Variants in ANKS1B observed in about 807,000 individuals in gnomAD.
The protein encoded by ANKS1B is ankyrin repeat and sterile alpha motif domain containing 1B, also known as ankyrin repeat and sterile alpha motif domain-containing protein 1B.
A neutral mutation model predicts 148.3 loss-of-function variants in ANKS1B; 36 were observed. The observed-to-expected ratio is 0.24, with a 90% CI of 0.19 to 0.32. The LOEUF (loss-of-function observed/expected upper bound fraction) is 0.32, where lower values mean the gene tolerates loss of function less well. ANKS1B is among the 10% of genes least tolerant of loss of function. ANKS1B has a pLI of 1.00. For missense variants in ANKS1B, 1,157 were observed against 1,542.6 expected (o/e 0.75, Z 4.19); for synonymous variants, 542 against 560.8 (o/e 0.97, Z 0.47).
intron 8 of ANKS1B, among the ~76,000 whole-genome samples, chr12:99,711,521 A>G (rs1204460940): frequency 6.6e-6 from 1 of 152,124 alleles, no homozygotes; most frequent in Non-Finnish European, 1.5e-5. Context: ...GCAAACAACC[A>G]CATTTAAAAG....
chr12:98,773,293 C>T lies in ANKS1B; in HGVS notation c.3442-114G>A, dbSNP rs2098618102. The T allele has an allele frequency of 3.4e-6, 4 of 1,180,000 alleles. No individual in the cohort carries two copies. In the South Asian group the frequency reaches 6.7e-5, roughly 20 times the overall value. The allele number at this position is 1,180,000 out of a possible 1,614,324, so 73.1% of individuals were successfully genotyped here. On this transcript the variant is annotated intron_variant, in intron 24 of 26. Transcript: ENST00000683438. ...TTCCTTCTTTCTGGAGTGTTCTAGACTAGCAACACTCAAAGTGGTCCACTA... is the reference window on the plus strand; with the variant it reads ...TTCCTTCTTTCTGGAGTGTTCTAGATTAGCAACACTCAAAGTGGTCCACTA...
chr12:99,223,469 CT>C (rs1482197349), intron 14 of ANKS1B, among the ~76,000 whole-genome samples: 1 of 152,060 alleles, frequency 6.6e-6, no homozygotes, highest in African/African-American at 2.4e-5. Flanking sequence ...ATGGTCCCAT[CT>C]GGGGGTAATG....
At chr12:99,182,282 C>T (rs11832991) in intron 14 of ANKS1B, among the ~76,000 whole-genome samples, 7,637 of 152,252 alleles carry the variant, frequency 0.05, 635 homozygotes, top group African/African-American at 0.18. Flanking sequence ...CCTCCCCCAA[C>T]ACATGGGGAT....
chr12:99,592,145 GA>G (rs1012757795), intron 9 of ANKS1B, among the ~76,000 whole-genome samples: 37 of 151,952 alleles, frequency 2.4e-4, no homozygotes, highest in African/African-American at 8.4e-4. Context: ...TTTATTACTA[GA>G]AACAAGATTT....
At chr12:98,781,927 T>C (rs141988308) in intron 23 of ANKS1B, among the ~76,000 whole-genome samples, 199 bp downstream of exon 23, 1 of 152,346 alleles carries the variant, frequency 6.6e-6, no homozygotes, top group African/African-American at 2.4e-5. Flanking sequence ...GTTCTTGTGA[T>C]AGATGTTCAC....
intron 15 of ANKS1B, among the ~76,000 whole-genome samples, chr12:99,109,139 A>C (rs1189942372): frequency 6.6e-6 from 1 of 152,058 alleles, no homozygotes; most frequent in African/African-American, 2.4e-5. Context: ...TGAGCTGTAG[A>C]ATGTTCCCAG....
At chr12:98,990,565 AG>A (rs1243792921) in intron 17 of ANKS1B, among the ~76,000 whole-genome samples, 92 of 139,574 alleles carry the variant, frequency 6.6e-4, no homozygotes, top group African/African-American at 2.1e-3. Flanking sequence ...AGAGAGAGAG[AG>A]AAAAAAAAAA....
rs184926261 is a variant in ANKS1B, at chr12:99,624,922, T to A, written c.1272+30145A>T. The stretch of plus-strand genomic sequence containing the variant: ...ATATACCAAAAGGAAAATAAATTGC[T>A]CGACCAAAAAGAAACCTGCGCTCAT... On this transcript the variant is annotated intron_variant, in intron 9 of 26. Transcript: ENST00000683438. Among the ~76,000 whole-genome samples the A allele has an allele frequency of 3.6e-3, 545 of 152,134 alleles. 3 individuals are homozygous for A. Among genetic ancestry groups the A allele is most frequent in the African/African-American group, 0.013 (520 of 41,522 alleles).
chr12:99,711,551 C>G (rs2056635256), intron 8 of ANKS1B, among the ~76,000 whole-genome samples: 1 of 152,048 alleles, frequency 6.6e-6, no homozygotes, highest in South Asian at 2.1e-4. Flanking sequence ...AACGTGAACA[C>G]TTTCCTAAAG....
chr12:99,605,419 T>C (rs559868365), intron 9 of ANKS1B, among the ~76,000 whole-genome samples: 2 of 152,002 alleles, frequency 1.3e-5, no homozygotes, highest in South Asian at 4.2e-4. Flanking sequence ...AATGGAATAC[T>C]GGAAATTATT....
At chr12:99,968,834 A>G (rs2095522897) in intron 1 of ANKS1B, among the ~76,000 whole-genome samples, 2 of 151,974 alleles carry the variant, frequency 1.3e-5, no homozygotes, top group Non-Finnish European at 1.5e-5. Flanking sequence ...TGGTTGTTTA[A>G]AAGTGTGTGG....
intron 9 of ANKS1B, 65 bp from the exon 10 acceptor site, chr12:99,504,706 A>T: frequency 1.6e-6 from 2 of 1,232,462 alleles, no homozygotes; most frequent in Non-Finnish European, 2.2e-6. Context: ...ATTTATAAAA[A>T]CTAGAAAAGA....
intron 9 of ANKS1B, among the ~76,000 whole-genome samples, chr12:99,611,850 A>T (rs533044279): frequency 6.6e-6 from 1 of 152,178 alleles, no homozygotes; most frequent in East Asian, 1.9e-4. Flanking sequence ...TTTAAAGCAA[A>T]ATTAGTGAAA....
intron 14 of ANKS1B, among the ~76,000 whole-genome samples, chr12:99,237,025 A>T (rs1453224885): frequency 6.6e-6 from 1 of 152,174 alleles, no homozygotes; most frequent in Non-Finnish European, 1.5e-5. Context: ...TGATGAAATA[A>T]TCTGGACAAC....
intron 8 of ANKS1B, among the ~76,000 whole-genome samples, chr12:99,762,984 A>T (rs1335302257): frequency 1.4e-5 from 2 of 147,166 alleles, no homozygotes; most frequent in African/African-American, 5.1e-5. Flanking sequence ...TTAAAAAGTT[A>T]AAAAAAAAAC....
In ANKS1B at chr12:98,829,085, A is replaced by C; in HGVS notation, c.3066+89T>G. 6.9e-7 allele frequency: 1 copy of C among 1,451,612 alleles called. No individual in the cohort carries two copies. Among genetic ancestry groups the C allele is most frequent in the Non-Finnish European group, 9.6e-7 (1 of 1,043,028 alleles). The allele number at this position is 1,451,612 out of a possible 1,614,324, so 89.9% of individuals were successfully genotyped here. Reference sequence around the variant, plus strand: ...GTATAAATTCTAGTTAGGCACGGACAATAAGCATCCATAGGAAGCTACTGT... The same window carrying C: ...GTATAAATTCTAGTTAGGCACGGACCATAAGCATCCATAGGAAGCTACTGT... On this transcript the variant is annotated intron_variant, in intron 19 of 26. Coordinates refer to ENST00000683438, the MANE Select transcript of ANKS1B (RefSeq NM_001352186.2). This position sits in a 1 kb window ranked among gnomAD's most constrained non-coding sequence, Gnocchi z 5.2.
At chr12:98,747,776 A>G (rs1241599516) in intron 26 of ANKS1B, among the ~76,000 whole-genome samples, 1 of 152,228 alleles carries the variant, frequency 6.6e-6, no homozygotes, top group Non-Finnish European at 1.5e-5. Flanking sequence ...ATTCAGCCAT[A>G]AAAAGAATGA....
intron 14 of ANKS1B, among the ~76,000 whole-genome samples, chr12:99,189,259 G>A (rs1191727208): frequency 6.6e-6 from 1 of 152,182 alleles, no homozygotes; most frequent in Non-Finnish European, 1.5e-5. Flanking sequence ...AATTCTACCA[G>A]TGGTGCAAAG....
At chr12:99,584,904 G>C (rs1019923391) in intron 9 of ANKS1B, among the ~76,000 whole-genome samples, 2 of 151,978 alleles carry the variant, frequency 1.3e-5, no homozygotes, top group African/African-American at 4.8e-5. Flanking sequence ...TGACACATGG[G>C]GATTATGGGA....
Sources: allele counts gnomAD v4.1 joint callset (sites outside exome capture counted in the v4.1 genomes callset), GRCh38; gene constraint gnomAD v4.1.1; non-coding constraint Gnocchi (gnomAD v3.1); transcripts MANE v1.5; gene names NCBI Gene and HGNC (gene_info 2026-07-23, HGNC 2026-07-21).